SNRPN: variants seen among roughly 807,000 people sequenced by gnomAD.
SNRPN encodes small nuclear ribonucleoprotein-associated protein N.
Under a neutral mutation model 25.2 loss-of-function variants are expected in SNRPN, and 7 were observed. The observed-to-expected ratio is 0.28, with a 90% CI of 0.16 to 0.52. The LOEUF is 0.52. Among genes scored for constraint, SNRPN ranks in the 20% least tolerant of loss-of-function variants. SNRPN has a pLI of 0.96. For synonymous variants in SNRPN, 124 were observed against 110.6 expected (o/e 1.12, Z -0.76); for missense variants, 196 against 322.5 (o/e 0.61, Z 3.00).
At chr15:24,856,101 T>C (rs1037497062), upstream of SNRPN, among the ~76,000 whole-genome samples, 2 of 152,180 alleles carry the variant, frequency 1.3e-5, no homozygotes, top group African/African-American at 4.8e-5. Flanking sequence ...CACACTATTT[T>C]AGTAAGACAC....
intron 2 of SNRPN, among the ~76,000 whole-genome samples, chr15:24,903,929 G>A (rs184576996): frequency 6.6e-6 from 1 of 152,086 alleles, no homozygotes; most frequent in East Asian, 1.9e-4. Context: ...AGGTATTTGG[G>A]AGACTGAGGT....
At chr15:24,938,260 G>T (rs2061355689) in intron 3 of SNRPN, among the ~76,000 whole-genome samples, 1 of 151,930 alleles carries the variant, frequency 6.6e-6, no homozygotes, top group Non-Finnish European at 1.5e-5. Flanking sequence ...TCAAGTAGCT[G>T]GAATTACAGG....
At chr15:24,824,471 C>T (rs1343679586) in intron 1 of SNRPN, among the ~76,000 whole-genome samples, 2 of 151,976 alleles carry the variant, frequency 1.3e-5, no homozygotes, top group Admixed American at 6.6e-5. Context: ...ATCCATAATA[C>T]AGAGATGTAT....
intron 1 of SNRPN, among the ~76,000 whole-genome samples, chr15:24,885,119 C>G (rs1196349082): frequency 6.6e-6 from 1 of 152,150 alleles, no homozygotes; most frequent in Non-Finnish European, 1.5e-5. Flanking sequence ...GTAAGTACAT[C>G]AAAGCCATAA....
intron 3 of SNRPN, among the ~76,000 whole-genome samples, chr15:24,945,698 T>C (rs2061841951): frequency 6.6e-6 from 1 of 152,220 alleles, no homozygotes; most frequent in Non-Finnish European, 1.5e-5. Context: ...GTGTTCCAGT[T>C]GGTGCATTCT....
chr15:24,978,415 C>G lies in SNRPN; in HGVS notation c.694C>G (p.Pro232Ala). 1 of 1,613,838 alleles carries G rather than the reference C, an allele frequency of 6.2e-7. No individual in the cohort carries two copies. The highest frequency in any genetic ancestry group is 8.5e-7 in the Non-Finnish European group (1 of 1,179,872). Reference sequence around the variant, plus strand: ...TTCTATTTCCTTTCCAGGTCCACCTCCCCCAGGAATGCGTCCACCAAGACC... The same window carrying G: ...TTCTATTTCCTTTCCAGGTCCACCTGCCCCAGGAATGCGTCCACCAAGACC... ...PPPPGIRGPP[P>A]PGMRPPRP The change falls in exon 10 of 10, where the codon CCC becomes GCC. Residue 232 changes from proline to alanine, a missense_variant. Pro to Ala is a conservative substitution (Grantham distance 27). Transcript: ENST00000390687.
At chr15:24,908,520 T>C (rs1234535935) in intron 2 of SNRPN, among the ~76,000 whole-genome samples, 1 of 152,078 alleles carries the variant, frequency 6.6e-6, no homozygotes, top group African/African-American at 2.4e-5. Flanking sequence ...AAGTCTTAGA[T>C]GGAAATGAGG....
In SNRPN at chr15:24,848,213, G is replaced by GGGGGGCGGGGGCGGTGGC. The variant is rs1490995911; in HGVS notation, c.-579+18322_-579+18323insTGGCGGGGGCGGGGGCGG. On this transcript the variant is annotated intron_variant, in intron 2 of 12. Coordinates refer to the SNRPN transcript ENST00000400100. ...TGTGGGAAGGTCACAGGACGGAGCTGGGGGGCGGGGGCGGCGGTGGGGGCG... is the reference window on the plus strand; with the variant it reads ...TGTGGGAAGGTCACAGGACGGAGCTGGGGGGCGGGGGCGGTGGCGGGGGCGGGGGCGGCGGTGGGGGCG... The GGGGGGCGGGGGCGGTGGC allele has an allele frequency of 3.0e-3, 329 of 110,956 alleles. 9 individuals carry two copies. Among genetic ancestry groups the GGGGGGCGGGGGCGGTGGC allele is most frequent in the Non-Finnish European group, 5.6e-3 (262 of 46,820 alleles). The allele number at this position is 110,956 out of a possible 1,614,324, so 6.9% of individuals were successfully genotyped here.
At chr15:24,889,396 G>A (rs1006539923) in intron 2 of SNRPN, among the ~76,000 whole-genome samples, 6 of 151,848 alleles carry the variant, frequency 4.0e-5, no homozygotes, top group Non-Finnish European at 7.4e-5. Flanking sequence ...TCCGCCTCCC[G>A]GGTTCAGGCC....
intron 2 of SNRPN, among the ~76,000 whole-genome samples, chr15:24,844,988 C>G (rs939616383): frequency 1.3e-5 from 2 of 151,596 alleles, no homozygotes; most frequent in African/African-American, 4.8e-5. Context: ...ATATCTAGTG[C>G]AAAAAAGGGT....
intron 2 of SNRPN, among the ~76,000 whole-genome samples, chr15:24,831,872 G>C (rs2050555104): frequency 6.6e-6 from 1 of 151,856 alleles, no homozygotes; most frequent in South Asian, 2.1e-4. Flanking sequence ...CCATTAATCT[G>C]TTGATGGGCA....
At chr15:24,836,604 G>A (rs2051219209) in intron 2 of SNRPN, among the ~76,000 whole-genome samples, 1 of 151,894 alleles carries the variant, frequency 6.6e-6, no homozygotes, top group Non-Finnish European at 1.5e-5. Context: ...GTAAAGATGG[G>A]GTTTCACCAT....
intron 3 of SNRPN, among the ~76,000 whole-genome samples, chr15:24,928,423 A>G (rs2060564094): frequency 6.6e-6 from 1 of 152,172 alleles, no homozygotes; most frequent in African/African-American, 2.4e-5. Flanking sequence ...CTGGACATTC[A>G]CAGCAGCATG....
At chr15:24,918,669 T>TATATGTGTGCATATATATAACATA (rs2059756560) in intron 2 of SNRPN, among the ~76,000 whole-genome samples, 3 of 103,766 alleles carry the variant, frequency 2.9e-5, no homozygotes, top group African/African-American at 1.2e-4. Flanking sequence ...TAACATAATA[T>TATATGTGTGCATATATATAACATA]ATATGTGTGC....
chr15:24,957,474 C>G (rs1473539644), intron 1 of SNRPN, among the ~76,000 whole-genome samples: 1 of 152,154 alleles, frequency 6.6e-6, no homozygotes. Flanking sequence ...TAATGAATAA[C>G]TGCATTTTTA....
chr15:24,881,602 AG>A (rs2056669655), intron 1 of SNRPN, among the ~76,000 whole-genome samples: 1 of 67,788 alleles, frequency 1.5e-5, no homozygotes, highest in Non-Finnish European at 3.2e-5. Flanking sequence ...AGAGAGAGAG[AG>A]AGAGAGAGAG....
chr15:24,922,699 TTATC>T (rs1436258155), intron 3 of SNRPN, among the ~76,000 whole-genome samples: 6 of 152,226 alleles, frequency 3.9e-5, no homozygotes, highest in African/African-American at 9.6e-5. Context: ...TTTTCTGTAT[TTATC>T]CATGTTGTGT....
At chr15:24,899,038 G>A (rs1165473000) in intron 2 of SNRPN, among the ~76,000 whole-genome samples, 4 of 152,174 alleles carry the variant, frequency 2.6e-5, no homozygotes, top group African/African-American at 2.4e-5. Context: ...TAATGGGAGT[G>A]CTAGAAGCAA....
rs375435472 is a variant in SNRPN, at chr15:24,976,274, T to C, written c.156-31T>C. 5 of 1,540,990 alleles carry C rather than the reference T, an allele frequency of 3.2e-6. No homozygotes were observed. The African/African-American group carries it at 6.8e-5, about 21-fold the overall frequency. ...TGATGAGTGAGTGATCACTAAAATTTATCTCACTAAAATTTAATTCTGATT... is the reference window on the plus strand; with the variant it reads ...TGATGAGTGAGTGATCACTAAAATTCATCTCACTAAAATTTAATTCTGATT... On this transcript the variant is annotated intron_variant, in intron 5 of 9. Coordinates refer to ENST00000390687, the MANE Select transcript of SNRPN (RefSeq NM_003097.6).
Sources: allele counts gnomAD v4.1 joint callset (sites outside exome capture counted in the v4.1 genomes callset), GRCh38; gene constraint gnomAD v4.1.1; transcripts MANE v1.5; gene names NCBI Gene and HGNC (gene_info 2026-07-23, HGNC 2026-07-21).